Variants in CLEC9A observed in about 807,000 individuals in gnomAD.
CLEC9A encodes the protein C-type lectin domain family 9 member A.
CLEC9A carries 24 observed loss-of-function variants against 30.0 expected under a neutral mutation model. That is an observed-to-expected ratio of 0.80 (90% CI 0.58 to 1.13). CLEC9A has a LOEUF of 1.13. CLEC9A is among the 50% of genes most tolerant of loss of function. CLEC9A has a pLI of 0.00. For missense variants in CLEC9A, 251 were observed against 280.9 expected, an observed-to-expected ratio of 0.89 and a Z score of 0.76; for synonymous variants, 111 against 96.8, an observed-to-expected ratio of 1.15 and a Z score of -0.86.
chr12:10,037,642 C>T (rs1251829432), intron 1 of CLEC9A, among the ~76,000 whole-genome samples: 3 of 152,156 alleles, frequency 2.0e-5, no homozygotes, highest in South Asian at 2.1e-4. Context: ...CATGCAAACA[C>T]GGGGAGACCG....
intron 2 of CLEC9A, chr12:10,043,310 T>C (rs1865813699): frequency 9.6e-6 from 2 of 209,312 alleles, no homozygotes; most frequent in Admixed American, 6.0e-5. Context: ...CTCAGTTCTC[T>C]AAAAAAATAT....
chr12:10,032,964 T>C (rs1177499829), intron 1 of CLEC9A, among the ~76,000 whole-genome samples: 1 of 152,158 alleles, frequency 6.6e-6, no homozygotes, highest in Non-Finnish European at 1.5e-5. Context: ...TTTTCCTTTA[T>C]GTTAATTAGG....
intron 5 of CLEC9A, among the ~76,000 whole-genome samples, chr12:10,060,262 T>C (rs1228379258): frequency 6.6e-6 from 1 of 152,238 alleles, no homozygotes; most frequent in South Asian, 2.1e-4. Context: ...TGAGTGCTTA[T>C]AGTAGCTCTA....
intron 2 of CLEC9A, among the ~76,000 whole-genome samples, chr12:10,042,308 C>G (rs1865804322): frequency 6.6e-6 from 1 of 152,160 alleles, no homozygotes; most frequent in African/African-American, 2.4e-5. Context: ...AATAAGCAGT[C>G]AAATGTGACT....
intron 1 of CLEC9A, among the ~76,000 whole-genome samples, chr12:10,036,722 A>G (rs187304482): frequency 6.6e-4 from 100 of 152,366 alleles, no homozygotes; most frequent in Middle Eastern, 3.4e-3. Flanking sequence ...ACACATAGAT[A>G]ATAGAGTCTA....
At position 10,065,614 on chromosome 12, in the gene CLEC9A, G is replaced by A. The variant is rs745674097; in HGVS notation, c.708G>A (p.Ala236=). 1.5e-5 allele frequency: 25 copies of A among 1,613,574 alleles called. 1 individual carries two copies. Among genetic ancestry groups the A allele is most frequent in the African/African-American group, 2.7e-5 (2 of 74,858 alleles). ...TWKYFICEKY[A]LRSSV ...AGTATTTTATCTGTGAGAAGTATGC[G>A]TTGAGATCCTCTGTCTGAAAGAAAT... The change falls in exon 9 of 9, where the codon GCG becomes GCA. Residue 236 remains alanine (A), a synonymous_variant. Coordinates refer to ENST00000355819, the MANE Select transcript of CLEC9A (RefSeq NM_207345.4).
intron 2 of CLEC9A, 75 bp downstream of exon 2, chr12:10,041,695 T>A (rs1865799173): frequency 2.0e-6 from 1 of 502,170 alleles, no homozygotes; most frequent in Non-Finnish European, 4.0e-6. Context: ...ACCTTTTTTG[T>A]TTTTTACATT....
At chr12:10,036,747 G>A (rs1215221206) in intron 1 of CLEC9A, among the ~76,000 whole-genome samples, 1 of 152,168 alleles carries the variant, frequency 6.6e-6, no homozygotes, top group African/African-American at 2.4e-5. Context: ...AGACATCAAA[G>A]TGTAGTAGAA....
chr12:10,039,577 C>G (rs1409823137), intron 1 of CLEC9A, among the ~76,000 whole-genome samples: 1 of 152,050 alleles, frequency 6.6e-6, no homozygotes, highest in African/African-American at 2.4e-5. Context: ...TCCTATGTTC[C>G]CCTGTCTGAA....
In CLEC9A at chr12:10,064,363, C is replaced by T. The variant is rs1055988499; in HGVS notation, c.472-369C>T. On this transcript the variant is annotated intron_variant, in intron 7 of 8. Coordinates refer to ENST00000355819, the MANE Select transcript of CLEC9A (RefSeq NM_207345.4). Reference sequence around the variant, plus strand: ...AATCTCATGAACTATTTTTCTACATCGACGTATACTGAGAAAGACTATTCT... The same window carrying T: ...AATCTCATGAACTATTTTTCTACATTGACGTATACTGAGAAAGACTATTCT... Among the ~76,000 whole-genome samples, 4 of 152,122 alleles carry T rather than the reference C, an allele frequency of 2.6e-5. No individual in the cohort carries two copies. In the East Asian group the frequency reaches 5.8e-4, roughly 22 times the overall value.
At chr12:10,036,145 C>A (rs1227750777) in intron 1 of CLEC9A, among the ~76,000 whole-genome samples, 1 of 149,596 alleles carries the variant, frequency 6.7e-6, no homozygotes, top group Non-Finnish European at 1.5e-5. Flanking sequence ...TGCAGTCTGA[C>A]ACATTTTTCC....
In CLEC9A at chr12:10,064,776, T is replaced by G. The variant is rs776674069; in HGVS notation, c.516T>G (p.Asp172Glu). The G allele has an allele frequency of 1.4e-5, 22 of 1,612,724 alleles. No homozygotes were observed. The highest frequency in any genetic ancestry group is 1.8e-5 in the Non-Finnish European group (21 of 1,179,410). Residue 172 changes from aspartate to glutamate, a missense_variant, in exon 8 of 9, where the codon GAT becomes GAG. By Grantham distance (45) the Asp-to-Glu change is conservative (BLOSUM62 2). Transcript: ENST00000355819. ...TGAGGAAGATTAAAGGAAGCTATGATTACTGGGTGGGGTTGTCTCAGGATG... is the reference window on the plus strand; with the variant it reads ...TGAGGAAGATTAAAGGAAGCTATGAGTACTGGGTGGGGTTGTCTCAGGATG... ...GSLRKIKGSYDYWVGLSQDGH... is the reference protein window; with the variant it reads ...GSLRKIKGSYEYWVGLSQDGH...
intron 5 of CLEC9A, among the ~76,000 whole-genome samples, chr12:10,059,282 G>A (rs1295026508): frequency 3.3e-5 from 5 of 152,150 alleles, no homozygotes; most frequent in African/African-American, 1.2e-4. Context: ...GATTTTGTCA[G>A]CAGTGCAAAT....
intron 1 of CLEC9A, among the ~76,000 whole-genome samples, chr12:10,032,515 CG>C (rs945892879): frequency 1.3e-5 from 2 of 151,538 alleles, no homozygotes; most frequent in African/African-American, 4.9e-5. Flanking sequence ...CTCAGCCTCT[CG>C]AGTAGCTGGG....
chr12:10,041,755 A>G (rs1314675323), intron 2 of CLEC9A, 135 bp downstream of exon 2: 16 of 441,908 alleles, frequency 3.6e-5, no homozygotes, highest in South Asian at 1.1e-4. Flanking sequence ...TATGAAACCT[A>G]GTAAGAATTA....
intron 1 of CLEC9A, chr12:10,040,710 A>G (rs1400130605): frequency 6.5e-6 from 1 of 153,532 alleles, no homozygotes; most frequent in Non-Finnish European, 1.5e-5. Flanking sequence ...TCAGCCTCCC[A>G]AAGTGCTGGG....
In CLEC9A at chr12:10,052,789, C is replaced by A. The variant is rs759878637; in HGVS notation, c.91+11C>A. 6 of 1,610,884 alleles carry A rather than the reference C, an allele frequency of 3.7e-6. No individual in the cohort carries two copies. Among genetic ancestry groups the A allele is most frequent in the Middle Eastern group, 1.6e-4 (1 of 6,064 alleles). On this transcript the variant is annotated intron_variant, in intron 4 of 8. Coordinates refer to ENST00000355819, the MANE Select transcript of CLEC9A (RefSeq NM_207345.4). The stretch of plus-strand genomic sequence containing the variant: ...CCAACAAATGTTCAGGTAACCAGTT[C>A]TAACTATTTTGTGTGAGACTTTAGA...
At chr12:10,043,636 GTCTTTAAAT>G (rs1865817680) in intron 2 of CLEC9A, among the ~76,000 whole-genome samples, 2 of 149,498 alleles carry the variant, frequency 1.3e-5, no homozygotes, top group Non-Finnish European at 3.0e-5. Flanking sequence ...GTGTGTGTGT[GTCTTTAAAT>G]TGCTCTGATT....
intron 7 of CLEC9A, among the ~76,000 whole-genome samples, chr12:10,063,638 C>A (rs1866016287): frequency 6.6e-6 from 1 of 152,150 alleles, no homozygotes; most frequent in Non-Finnish European, 1.5e-5. Context: ...GAAGTGGTGC[C>A]ATGAAATAAA....
Sources: allele counts gnomAD v4.1 joint callset (sites outside exome capture counted in the v4.1 genomes callset), GRCh38; gene constraint gnomAD v4.1.1; transcripts MANE v1.5; gene names NCBI Gene and HGNC (gene_info 2026-07-23, HGNC 2026-07-21).